The following RAET1L variants were observed in gnomAD, a reference collection of about 807,000 sequenced individuals.
RAET1L encodes the protein retinoic acid early transcript 1L, also known as UL16-binding protein 6.
In RAET1L, 16 loss-of-function variants were observed where a neutral mutation model predicts 23.9. The observed-to-expected ratio is 0.67, with a 90% confidence interval of 0.45 to 1.02. RAET1L has a LOEUF of 1.02. Ranked by LOEUF, RAET1L falls within the 50% of genes least tolerant of loss-of-function variation. The probability of loss-of-function intolerance (pLI) is 0.00; values close to 1 mark genes in which losing one functional copy is unlikely to be tolerated. For synonymous variants in RAET1L, 70 were observed against 111.2 expected, an observed-to-expected ratio of 0.63 and a Z score of 2.33; for missense variants, 233 against 304.0, an observed-to-expected ratio of 0.77 and a Z score of 1.74.
Position 150,020,888 on chromosome 6 carries a change from T to G in RAET1L, c.631+17A>C. ...TCTGATCTCATTTAAGATCCCCGTTTCTTTTTCTCCTGTTACCTCCTGCAC... is the reference window on the plus strand; with the variant it reads ...TCTGATCTCATTTAAGATCCCCGTTGCTTTTTCTCCTGTTACCTCCTGCAC... On this transcript the variant is annotated intron_variant, in intron 3 of 4. Transcript: ENST00000367341. The G allele has an allele frequency of 6.2e-7, 1 of 1,611,662 alleles. No individual in the cohort carries two copies. The highest frequency in any genetic ancestry group is 8.5e-7 in the Non-Finnish European group (1 of 1,178,658).
chr6:150,024,121 A>G (rs1014136037), intron 1 of RAET1L, among the ~76,000 whole-genome samples: 11 of 152,252 alleles, frequency 7.2e-5, no homozygotes, highest in African/African-American at 1.4e-4. Context: ...CTGAGGCTTC[A>G]GGGAGGGTAC....
chr6:150,021,897 T>C lies in RAET1L; in HGVS notation c.349+83A>G, dbSNP rs1486181339. 2.9e-5 allele frequency: 45 copies of C among 1,561,728 alleles called. 1 individual carries two copies. The highest frequency in any genetic ancestry group is 3.8e-5 in the Non-Finnish European group (43 of 1,139,084). On this transcript the variant is annotated intron_variant, in intron 2 of 4. Transcript: ENST00000367341. ...GTGAGCCACCGTGCCCAGGACCCTT[T>C]TGTATTTTTACATGAAAACTATAAA... is the stretch of plus-strand genomic sequence containing the variant.
chr6:150,024,674 G>T (rs534607240), intron 1 of RAET1L, among the ~76,000 whole-genome samples: 68 of 152,226 alleles, frequency 4.5e-4, no homozygotes, highest in South Asian at 4.1e-3. Flanking sequence ...AGGGGAGCTT[G>T]GGGTGTGTTT....
chr6:150,023,461 A>G (rs917176698), intron 1 of RAET1L, among the ~76,000 whole-genome samples: 5 of 152,306 alleles, frequency 3.3e-5, no homozygotes, highest in Admixed American at 3.3e-4. Flanking sequence ...CCCTGCAGCC[A>G]GGACAGTGAG....
At chr6:150,019,579 G>A (rs565701470) in intron 4 of RAET1L, among the ~76,000 whole-genome samples, 11 of 137,128 alleles carry the variant, frequency 8.0e-5, no homozygotes, top group Non-Finnish European at 1.5e-4. Flanking sequence ...TACTTTCTGT[G>A]GGAAGGCAGC....
chr6:150,020,948 G>T lies in RAET1L; in HGVS notation c.588C>A (p.Asp196Glu). 1 of 1,614,152 alleles carries T rather than the reference G, an allele frequency of 6.2e-7. No homozygotes were observed. Among genetic ancestry groups the T allele is most frequent in the East Asian group, 2.2e-5 (1 of 44,880 alleles). Residue 196 changes from aspartate (D) to glutamate (E), a missense_variant, in exon 3 of 5, where the codon GAC becomes GAA. Transcript: ENST00000367341. Reference sequence around the variant, plus strand: ...GGGTGCTGTCCATGCCCATCAAGAAGTCCTCAAGCCATCCTATGCAGTCTC... The same window carrying T: ...GGGTGCTGTCCATGCCCATCAAGAATTCCTCAAGCCATCCTATGCAGTCTC... ...SMGDCIGWLE[D>E]FLMGMDSTLE...
intron 1 of RAET1L, among the ~76,000 whole-genome samples, chr6:150,023,794 G>C (rs1779913877): frequency 6.6e-6 from 1 of 152,184 alleles, no homozygotes; most frequent in African/African-American, 2.4e-5. Flanking sequence ...GCAACATTAA[G>C]CAGTGGCTCC....
At chr6:150,023,026 C>T (rs1213392612) in intron 1 of RAET1L, among the ~76,000 whole-genome samples, 3 of 130,214 alleles carry the variant, frequency 2.3e-5, no homozygotes, top group Admixed American at 1.6e-4. Context: ...ATGCCTATTG[C>T]TGAAGGCCAG....
chr6:150,021,319 T>A (rs1478138671), intron 2 of RAET1L, 133 bp from the exon 3 acceptor site: 1 of 1,203,916 alleles, frequency 8.3e-7, no homozygotes, highest in African/African-American at 1.6e-5. Flanking sequence ...AGGGGTAAGA[T>A]GACCTTCCCA....
In RAET1L at chr6:150,022,169, C is replaced by T. The variant is rs1779898192; in HGVS notation, c.160G>A (p.Gly54Ser). ...AGAAAAGTCTTTTCATCCACCTGGC[C>T]TTGAACCGCACACCACCGTGGTCCA... ...RPGPRWCAVQ[G>S]QVDEKTFLHY... Residue 54 changes from glycine to serine, a missense_variant, in exon 2 of 5, where the codon GGC (glycine) becomes AGC (serine). Physicochemically the swap from Gly to Ser is moderately conservative, Grantham distance 56. This residue lies in a region of RAET1L where 44 missense variants were observed against 107.4 expected (regional missense o/e 0.41). Transcript: ENST00000367341. 6.3e-6 allele frequency: 10 copies of T among 1,593,516 alleles called. No homozygotes were observed. The highest frequency in any genetic ancestry group is 8.5e-6 in the Non-Finnish European group (10 of 1,172,888).
intron 4 of RAET1L, among the ~76,000 whole-genome samples, chr6:150,019,298 C>G (rs1223163975): frequency 2.0e-5 from 3 of 152,196 alleles, no homozygotes; most frequent in Non-Finnish European, 4.4e-5. Flanking sequence ...GAGCAGCACC[C>G]ATAGTTCTGA....
In RAET1L at chr6:150,025,517, C is replaced by G; in HGVS notation, c.-46G>C. The G allele has an allele frequency of 6.7e-7, 1 of 1,499,758 alleles. No homozygotes were observed. The highest frequency in any genetic ancestry group is 9.3e-7 in the Non-Finnish European group (1 of 1,079,206). The allele number at this position is 1,499,758 out of a possible 1,614,324, so 92.9% of individuals were successfully genotyped here. On this transcript the variant is annotated 5_prime_UTR_variant, in exon 1 of 5. Coordinates refer to ENST00000367341, the MANE Select transcript of RAET1L (RefSeq NM_130900.3). ...GACAAGAGATTTAATCAAGGTGGAT[C>G]CTGGAAGATGAAATCACCTCTGTGC...
intron 1 of RAET1L, among the ~76,000 whole-genome samples, chr6:150,023,303 C>G (rs1779909046): frequency 6.6e-6 from 1 of 151,986 alleles, no homozygotes; most frequent in Non-Finnish European, 1.5e-5. Flanking sequence ...TTACAAGAAA[C>G]AGAGATAAAC....
In RAET1L at chr6:150,020,220, T is replaced by C; in HGVS notation, c.651A>G (p.Ser217=). 1.3e-6 allele frequency: 2 copies of C among 1,527,642 alleles called. No individual in the cohort carries two copies. The allele number at this position is 1,527,642 out of a possible 1,614,324, so 94.6% of individuals were successfully genotyped here. A position where few individuals can be genotyped will look rare whatever the true frequency, so the allele number is the denominator to read the frequency against. The change falls in exon 4 of 5, where the codon TCA becomes TCG. Residue 217 remains serine, a synonymous_variant. Transcript: ENST00000367341. The stretch of plus-strand genomic sequence containing the variant: ...CTGTGGCCCTGAGTTGGGTTGTGCC[T>C]GAGGACATGGCGAGTGGTGCTGAAA... ...PSAGAPLAMS[S]GTTQLRATAT... is the part of the protein sequence containing the mutation.
chr6:150,019,232 G>A (rs567695719), intron 4 of RAET1L, among the ~76,000 whole-genome samples: 13 of 152,314 alleles, frequency 8.5e-5, no homozygotes, highest in Non-Finnish European at 1.6e-4. Context: ...GCCTTTGGTG[G>A]GCCTGCAGGC....
rs141008038 is a variant in RAET1L, at chr6:150,020,802, A to G, written c.631+103T>C. 3,622 of 1,549,458 alleles carry G rather than the reference A, an allele frequency of 2.3e-3. 100 individuals carry two copies. The African/African-American group carries it at 0.046, about 20-fold the overall frequency. ...CCCGACGAGGAGGTCATTTTAACAT[A>G]AACGTGTACACTGGGATGATTGAAG... On this transcript the variant is annotated intron_variant, in intron 3 of 4. Transcript: ENST00000367341.
At chr6:150,024,142 C>T (rs1168396022) in intron 1 of RAET1L, among the ~76,000 whole-genome samples, 1 of 152,114 alleles carries the variant, frequency 6.6e-6, no homozygotes, top group African/African-American at 2.4e-5. Context: ...CTGATGGTCC[C>T]CATGGATGCC....
intron 2 of RAET1L, among the ~76,000 whole-genome samples, chr6:150,021,535 G>A (rs1401054408): frequency 2.0e-5 from 3 of 146,746 alleles, no homozygotes; most frequent in Non-Finnish European, 3.0e-5. Flanking sequence ...TCTTGACCTT[G>A]TGATCCGCCT....
intron 1 of RAET1L, 83 bp downstream of exon 1, chr6:150,025,304 C>G (rs117522681): frequency 8.4e-7 from 1 of 1,183,876 alleles, no homozygotes; most frequent in Non-Finnish European, 1.2e-6. Flanking sequence ...CTTCCAGAAG[C>G]CTTCCCTCCT....
Sources: gnomAD v4.1 joint callset for allele counts (sites outside exome capture counted in the v4.1 genomes callset) on GRCh38, gnomAD v4.1.1 for gene constraint, gnomAD v4.1.1 regional missense constraint, MANE v1.5 for transcripts, NCBI Gene and HGNC (gene_info 2026-07-23, HGNC 2026-07-21) for gene names.